Variants in TNIK observed in about 807,000 individuals in gnomAD.
TNIK encodes TRAF2 and NCK-interacting protein kinase.
In TNIK, 49 loss-of-function variants were observed where a neutral mutation model predicts 191.3. The observed-to-expected ratio is 0.26, with a 90% CI of 0.20 to 0.32. The LOEUF is 0.32. TNIK is among the 10% of genes least tolerant of loss of function. The pLI, the probability that TNIK is intolerant of heterozygous loss-of-function variation, is 1.00. For missense variants in TNIK, 1,155 were observed against 1,702.3 expected (o/e 0.68, Z 5.66); for synonymous variants, 594 against 600.9 (o/e 0.99, Z 0.17).
intron 5 of TNIK, 124 bp downstream of exon 5, chr3:171,194,401 T>C (rs1738411848): frequency 3.5e-6 from 3 of 859,218 alleles, no homozygotes; most frequent in South Asian, 1.7e-5. Context: ...GGATAAACTT[T>C]TAAAGGGTTT....
chr3:171,121,033 A>G (rs1288208924), intron 18 of TNIK, among the ~76,000 whole-genome samples: 2 of 152,206 alleles, frequency 1.3e-5, no homozygotes, highest in Non-Finnish European at 1.5e-5. Flanking sequence ...GTAACAAAAC[A>G]TCCTGAATCT....
chr3:171,094,152 T>C (rs78969716), intron 22 of TNIK, among the ~76,000 whole-genome samples, 184 bp from the exon 23 acceptor site: 1 of 152,038 alleles, frequency 6.6e-6, no homozygotes, highest in Non-Finnish European at 1.5e-5. Flanking sequence ...TTTTTTTTTT[T>C]GAGAAGGAGT....
chr3:171,284,128 C>A (rs1281520821), intron 2 of TNIK, among the ~76,000 whole-genome samples: 1 of 151,918 alleles, frequency 6.6e-6, no homozygotes, highest in African/African-American at 2.4e-5. Flanking sequence ...AGGGGGGCGG[C>A]AGGGAGGAGG....
chr3:171,113,998 T>TAA (rs10576485), intron 18 of TNIK, among the ~76,000 whole-genome samples: 2,468 of 139,352 alleles, frequency 0.018, 61 homozygotes, highest in Admixed American at 0.044. Flanking sequence ...ACGATTTTGT[T>TAA]AAAAAAAAAA....
At position 171,114,243 on chromosome 3, in the gene TNIK, T is replaced by C. The variant is rs375520585; in HGVS notation, c.2121-3366A>G. Among the ~76,000 whole-genome samples the C allele has an allele frequency of 1.5e-4, 23 of 152,302 alleles. No individual in the cohort carries two copies. The South Asian group carries it at 4.8e-3, about 32-fold the overall frequency. On this transcript the variant is annotated intron_variant, in intron 18 of 32. Transcript: ENST00000436636. ...CATCTTCAGTTCCCCAAACAGACTT[T>C]GTTAACAGTTATCATACAGCTATGA...
At chr3:171,217,132 A>C (rs2108937256) in intron 3 of TNIK, among the ~76,000 whole-genome samples, 1 of 152,272 alleles carries the variant, frequency 6.6e-6, no homozygotes, top group African/African-American at 2.4e-5. Context: ...ACAATAGCAA[A>C]GACATGGAAT....
At chr3:171,272,737 T>C (rs919512043) in intron 2 of TNIK, among the ~76,000 whole-genome samples, 2 of 152,218 alleles carry the variant, frequency 1.3e-5, no homozygotes, top group Non-Finnish European at 2.9e-5. Context: ...ATCGTTTTTC[T>C]CATTTCACTG....
At chr3:171,242,149 GAACTTA>G (rs1433002653) in intron 2 of TNIK, among the ~76,000 whole-genome samples, 1 of 128,084 alleles carries the variant, frequency 7.8e-6, no homozygotes, top group Non-Finnish European at 1.7e-5. Context: ...TTGTACCCTA[GAACTTA>G]AATTAAAAAA....
intron 2 of TNIK, among the ~76,000 whole-genome samples, chr3:171,314,058 G>A (rs1754334548): frequency 1.3e-5 from 2 of 152,118 alleles, no homozygotes; most frequent in African/African-American, 4.8e-5. Context: ...AATACTTGGT[G>A]CCATATTACA....
At chr3:171,324,164 C>A (rs1755489282) in intron 2 of TNIK, among the ~76,000 whole-genome samples, 1 of 151,686 alleles carries the variant, frequency 6.6e-6, no homozygotes, top group South Asian at 2.1e-4. Flanking sequence ...GGAGGAAGGG[C>A]AAAACCAAGA....
Position 171,126,061 on chromosome 3 carries a change from A to C in TNIK, c.1864T>G (p.Phe622Val). Reference protein sequence around the residue: ...HEQPTKGLSGFQEALNVTSHR... With the variant: ...HEQPTKGLSGVQEALNVTSHR... ...GAGGTCACGTTCAGAGCCTCCTGAA[A>C]CCCAGAGAGGCCCTTTGTGGGCTGC... The change falls in exon 17 of 33, where the codon TTT becomes GTT. Residue 622 changes from phenylalanine (F) to valine (V), a missense_variant. Phe to Val is a conservative substitution (Grantham distance 50). Transcript: ENST00000436636. 7.4e-6 allele frequency: 12 copies of C among 1,613,360 alleles called. No homozygotes were observed. The highest frequency in any genetic ancestry group is 1.0e-5 in the Non-Finnish European group (12 of 1,179,594).
At chr3:171,119,268 G>A (rs372321691) in intron 18 of TNIK, among the ~76,000 whole-genome samples, 33 of 152,252 alleles carry the variant, frequency 2.2e-4, no homozygotes, top group Middle Eastern at 3.4e-3. Context: ...AGTGAATGGC[G>A]ATCATTAAAA....
chr3:171,130,311 A>G lies in TNIK; in HGVS notation c.1609-1433T>C, dbSNP rs532453779. ...TAAGATAAGCTACAGAATGAAAAAC[A>G]GCCCTCCTGCCTCTAGTGAGGAGTA... On this transcript the variant is annotated intron_variant, in intron 15 of 32. Coordinates refer to ENST00000436636, the MANE Select transcript of TNIK (RefSeq NM_015028.4). Among the ~76,000 whole-genome samples the G allele has an allele frequency of 4.6e-5, 7 of 152,320 alleles. No homozygotes were observed. The East Asian group carries it at 1.3e-3, about 29-fold the overall frequency.
chr3:171,195,497 A>C (rs1359975124), intron 4 of TNIK, among the ~76,000 whole-genome samples: 1 of 152,194 alleles, frequency 6.6e-6, no homozygotes, highest in African/African-American at 2.4e-5. Flanking sequence ...GTAGAGACAG[A>C]ACTAAAATGG....
At chr3:171,393,801 T>A (rs1277404981) in intron 1 of TNIK, among the ~76,000 whole-genome samples, 1 of 150,898 alleles carries the variant, frequency 6.6e-6, no homozygotes. Flanking sequence ...ATTTATCAGG[T>A]ATTTATTCTA....
chr3:171,301,241 A>G (rs1412209498), intron 2 of TNIK, among the ~76,000 whole-genome samples: 2 of 152,036 alleles, frequency 1.3e-5, no homozygotes, highest in African/African-American at 4.8e-5. Flanking sequence ...CTGGAATCTA[A>G]CTGTGTTCTA....
intron 1 of TNIK, among the ~76,000 whole-genome samples, chr3:171,459,706 A>ACACACACACACACG (rs1553784810): frequency 1.3e-5 from 2 of 150,266 alleles, no homozygotes; most frequent in African/African-American, 2.5e-5. Context: ...ACACACACGC[A>ACACACACACACACG]CACACGCCTT....
At chr3:171,447,799 T>C (rs1253880459) in intron 1 of TNIK, among the ~76,000 whole-genome samples, 3 of 152,236 alleles carry the variant, frequency 2.0e-5, no homozygotes, top group Non-Finnish European at 2.9e-5. Flanking sequence ...AGGATGTTTA[T>C]TGAAGCACTA....
chr3:171,127,381 T>A (rs919868487), intron 16 of TNIK, among the ~76,000 whole-genome samples: 22 of 151,486 alleles, frequency 1.5e-4, no homozygotes, highest in Non-Finnish European at 3.2e-4. Context: ...AAAGCCCATT[T>A]AAAAAAATAT....
Sources: gnomAD v4.1 joint callset for allele counts (sites outside exome capture counted in the v4.1 genomes callset) on GRCh38, gnomAD v4.1.1 for gene constraint, MANE v1.5 for transcripts, NCBI Gene and HGNC (gene_info 2026-07-23, HGNC 2026-07-21) for gene names.